Variants in ZNF516 observed in about 807,000 individuals in gnomAD.
ZNF516 encodes the protein zinc finger protein 516.
ZNF516 carries 19 observed loss-of-function variants against 79.7 expected under a neutral mutation model. The observed-to-expected ratio is 0.24, with a 90% confidence interval of 0.17 to 0.35. The LOEUF (loss-of-function observed/expected upper bound fraction) is 0.35, where lower values mean the gene tolerates loss of function less well. ZNF516 is among the 10% of genes least tolerant of loss of function. The probability of loss-of-function intolerance (pLI) is 1.00; values close to 1 mark genes in which losing one functional copy is unlikely to be tolerated. For synonymous variants in ZNF516, 877 were observed against 739.5 expected (o/e 1.19, Z -3.02); for missense variants, 1,678 against 1,679.5 (o/e 1.00, Z 0.02).
chr18:76,377,229 C>T (rs2074801608), intron 4 of ZNF516, among the ~76,000 whole-genome samples: 2 of 152,264 alleles, frequency 1.3e-5, no homozygotes, highest in African/African-American at 4.8e-5. Flanking sequence ...GGATCTAAGA[C>T]CACGCCTCAG....
chr18:76,435,533 G>C (rs1260235750), intron 3 of ZNF516, among the ~76,000 whole-genome samples: 1 of 152,220 alleles, frequency 6.6e-6, no homozygotes, highest in East Asian at 1.9e-4. Flanking sequence ...CGCGGATTAA[G>C]AGTGGGCTCC....
chr18:76,490,128 TGTGA>T (rs1915078161), intron 1 of ZNF516: 1 of 983,058 alleles, frequency 1.0e-6, no homozygotes, highest in Non-Finnish European at 1.2e-6. Context: ...CCAAAATATT[TGTGA>T]GTCTTACACA....
At chr18:76,488,797 G>A (rs145165055) in intron 1 of ZNF516, among the ~76,000 whole-genome samples, 1 of 152,100 alleles carries the variant, frequency 6.6e-6, no homozygotes, top group South Asian at 2.1e-4. Context: ...GTTAAATTTG[G>A]CCAGCTGAAA....
At chr18:76,413,185 C>T (rs2145316896) in intron 3 of ZNF516, among the ~76,000 whole-genome samples, 1 of 152,314 alleles carries the variant, frequency 6.6e-6, no homozygotes, top group South Asian at 2.1e-4. Flanking sequence ...TAAAGTTGAC[C>T]ACACTCTCTC....
In ZNF516 at chr18:76,441,699, G is replaced by A. The variant is rs750215543; in HGVS notation, c.1356C>T (p.Asp452=). 5 of 1,569,736 alleles carry A rather than the reference G, an allele frequency of 3.2e-6. No individual in the cohort carries two copies. In the South Asian group the frequency reaches 4.7e-5, roughly 15 times the overall value. The change falls in exon 3 of 7, where the codon GAC becomes GAT. Residue 452 remains aspartate, a synonymous_variant. Transcript: ENST00000443185. Reference sequence around the variant, plus strand: ...GGCTCACCAGGACGTACTCGCGCCTGTCCTTGTCGAAGGCCACGTCCCCGG... The same window carrying A: ...GGCTCACCAGGACGTACTCGCGCCTATCCTTGTCGAAGGCCACGTCCCCGG... ...ALAGDVAFDK[D]RREYVLVSQE...
rs900948054 is a variant in ZNF516 at position 76,390,940 on chromosome 18, T to A, written c.1811-10637A>T. On this transcript the variant is annotated intron_variant, in intron 3 of 6. Coordinates refer to ENST00000443185, the MANE Select transcript of ZNF516 (RefSeq NM_014643.4). ...AGCAGCTTATCTAAGGCCATCAGGC[T>A]GAGAGCTCAAGCCAGCTTCAAATGC... Among the ~76,000 whole-genome samples, 3 of 152,114 alleles carry A rather than the reference T, an allele frequency of 2.0e-5. No homozygotes were observed. The East Asian group carries it at 5.8e-4, about 29-fold the overall frequency.
intron 3 of ZNF516, among the ~76,000 whole-genome samples, chr18:76,432,635 T>C (rs1257902830): frequency 6.6e-6 from 1 of 152,156 alleles, no homozygotes; most frequent in Non-Finnish European, 1.5e-5. Flanking sequence ...CCAGCGCCAA[T>C]GAAACTCATG....
intron 2 of ZNF516, among the ~76,000 whole-genome samples, chr18:76,454,063 CCCA>C (rs534716236): frequency 6.5e-4 from 99 of 152,222 alleles, no homozygotes; most frequent in African/African-American, 2.2e-3. Flanking sequence ...CCTAGAAGTC[CCCA>C]CCATCAAATG....
intron 4 of ZNF516, among the ~76,000 whole-genome samples, chr18:76,375,285 T>C (rs1180772334): frequency 1.3e-5 from 2 of 151,434 alleles, no homozygotes; most frequent in Non-Finnish European, 1.5e-5. Context: ...AGGATGGATG[T>C]GAAGGTCCTG....
rs1198849672 is a variant in ZNF516 at position 76,442,294 on chromosome 18, C to T, written c.761G>A (p.Gly254Asp). Reference protein sequence around the residue: ...SPGEFPCEVCGQAFSQTWFLK... With the variant: ...SPGEFPCEVCDQAFSQTWFLK... ...GAACCAGGTCTGGCTGAAGGCCTGG[C>T]CACACACCTCGCACGGGAACTCCCC... Residue 254 changes from glycine (G) to aspartate (D), a missense_variant, in exon 3 of 7, where the codon GGC (glycine) becomes GAC (aspartate). Physicochemically the swap from Gly to Asp is moderately conservative, Grantham distance 94. Transcript: ENST00000443185. The T allele has an allele frequency of 6.2e-7, 1 of 1,612,610 alleles. No homozygotes were observed. Among genetic ancestry groups the T allele is most frequent in the Non-Finnish European group, 8.5e-7 (1 of 1,179,652 alleles).
chr18:76,394,498 G>A (rs1356127866), intron 3 of ZNF516, among the ~76,000 whole-genome samples: 1 of 1,088 alleles, frequency 9.2e-4, no homozygotes, highest in Non-Finnish European at 1.7e-3. Context: ...TGGGGGCAGG[G>A]CGGGTGGTCA....
intron 3 of ZNF516, among the ~76,000 whole-genome samples, chr18:76,383,653 G>A (rs1443576811): frequency 1.3e-5 from 2 of 151,950 alleles, no homozygotes; most frequent in African/African-American, 2.4e-5. Flanking sequence ...CTCAGCCAGG[G>A]ACCCAGGACC....
chr18:76,480,451 T>C (rs1914442889), intron 1 of ZNF516, among the ~76,000 whole-genome samples: 1 of 151,490 alleles, frequency 6.6e-6, no homozygotes, highest in South Asian at 2.1e-4. Flanking sequence ...GCCAGTGAGC[T>C]AAGGCTGGTT....
rs1271003500 is a variant in ZNF516 at position 76,441,994 on chromosome 18, T to C, written c.1061A>G (p.Asn354Ser). The C allele has an allele frequency of 4.3e-6, 7 of 1,613,236 alleles. No homozygotes were observed. The Admixed American group carries it at 8.3e-5, about 19-fold the overall frequency. ...FTNLDSLNAH[N>S]AIHRRVEASR... is the part of the protein sequence containing the mutation. ...GGCCTCGACTCTGCGGTGGATGGCA[T>C]TGTGGGCGTTCAAGCTGTCCAGGTT... The change falls in exon 3 of 7, where the codon AAT becomes AGT. Residue 354 changes from asparagine to serine, a missense_variant. By Grantham distance (46) the Asn-to-Ser change is conservative. Coordinates refer to ENST00000443185, the MANE Select transcript of ZNF516 (RefSeq NM_014643.4).
At chr18:76,447,883 G>C (rs536264770) in intron 2 of ZNF516, among the ~76,000 whole-genome samples, 2 of 152,150 alleles carry the variant, frequency 1.3e-5, no homozygotes, top group Admixed American at 1.3e-4. Flanking sequence ...TGCTGTATGT[G>C]AGTGTGTGTG....
rs916342672 is a variant in ZNF516 at position 76,398,912 on chromosome 18, TA to T, written c.1811-18610del. Among the ~76,000 whole-genome samples, 312 of 148,284 alleles carry T rather than the reference TA, an allele frequency of 2.1e-3. 3 individuals are homozygous for T. Among genetic ancestry groups the T allele is most frequent in the African/African-American group, 6.8e-3 (276 of 40,756 alleles). On this transcript the variant is annotated intron_variant, in intron 3 of 6. Transcript: ENST00000443185. The stretch of plus-strand genomic sequence containing the variant: ...TTACAAAGAAACTGTAATGAGTCTT[TA>T]AAAAAAAAAATCAGGATCACTTATT...
intron 3 of ZNF516, among the ~76,000 whole-genome samples, chr18:76,383,189 T>A (rs2074922773): frequency 6.6e-6 from 1 of 150,542 alleles, no homozygotes; most frequent in South Asian, 2.1e-4. Flanking sequence ...TGACCACGAG[T>A]GGAGGGGCAG....
At chr18:76,462,697 T>A (rs1006547319) in intron 2 of ZNF516, among the ~76,000 whole-genome samples, 3 of 152,166 alleles carry the variant, frequency 2.0e-5, no homozygotes, top group African/African-American at 7.2e-5. Context: ...AGCCAATAGT[T>A]TTCCAGATCA....
chr18:76,490,196 G>A lies in ZNF516; in HGVS notation c.-272+4948C>T, dbSNP rs972353171. On this transcript the variant is annotated intron_variant, in intron 1 of 6. Transcript: ENST00000443185. ...AGATGGCCATGGGGGTCACTCCTGTGAAATTAAAGACGTCCTCCTACAAGT... is the reference window on the plus strand; with the variant it reads ...AGATGGCCATGGGGGTCACTCCTGTAAAATTAAAGACGTCCTCCTACAAGT... 5.1e-6 allele frequency: 5 copies of A among 985,266 alleles called. No homozygotes were observed. In the African/African-American group the frequency reaches 7.0e-5, roughly 14 times the overall value. 61.0% of individuals were successfully genotyped at this position (985,266 alleles called of 1,614,324 possible). A position where few individuals can be genotyped will look rare whatever the true frequency, so the allele number is the denominator to read the frequency against.
Sources: allele counts gnomAD v4.1 joint callset (sites outside exome capture counted in the v4.1 genomes callset), GRCh38; gene constraint gnomAD v4.1.1; transcripts MANE v1.5; gene names NCBI Gene and HGNC (gene_info 2026-07-23, HGNC 2026-07-21).